The following ITGA11 variants were observed in gnomAD, a reference collection of about 807,000 sequenced individuals.
ITGA11 encodes the protein integrin subunit alpha 11, also known as integrin alpha-11.
A neutral mutation model predicts 141.9 loss-of-function variants in ITGA11; 97 were observed. The ratio of observed to expected loss-of-function variants is 0.68; its 90% CI spans 0.58 to 0.81. The LOEUF is 0.81. Among genes scored for constraint, ITGA11 ranks in the 30% least tolerant of loss-of-function variants. The pLI, the probability that ITGA11 is intolerant of heterozygous loss-of-function variation, is 0.00. For synonymous variants in ITGA11, 658 were observed against 624.6 expected (o/e 1.05, Z -0.80); for missense variants, 1,387 against 1,559.2 (o/e 0.89, Z 1.86).
chr15:68,358,590 A>C lies in ITGA11; in HGVS notation c.473-5T>G, dbSNP rs558111311. On this transcript the variant is annotated splice_polypyrimidine_tract_variant and splice_region_variant and intron_variant, in intron 5 of 29. Coordinates refer to ENST00000315757, the MANE Select transcript of ITGA11 (RefSeq NM_001004439.2). ...TGTCCATGTAGGTCTGGCACCCTGG[A>C]AAGTGGGGACACAGTTATGGCTACC... 10 of 1,609,414 alleles carry C rather than the reference A, an allele frequency of 6.2e-6. No homozygotes were observed. In the East Asian group the frequency reaches 2.2e-4, roughly 36 times the overall value.
At chr15:68,381,295 C>T (rs1306531721) in intron 2 of ITGA11, among the ~76,000 whole-genome samples, 1 of 151,952 alleles carries the variant, frequency 6.6e-6, no homozygotes, top group Admixed American at 6.6e-5. Flanking sequence ...CTTTGGGAAC[C>T]CCTGGATTAT....
intron 2 of ITGA11, among the ~76,000 whole-genome samples, chr15:68,373,864 A>G (rs1366044972): frequency 6.6e-6 from 1 of 152,182 alleles, no homozygotes; most frequent in Non-Finnish European, 1.5e-5. Flanking sequence ...CATGAAGAGA[A>G]GGAGCTGAAG....
chr15:68,364,649 C>A, intron 4 of ITGA11, 58 bp downstream of exon 4: 1 of 981,990 alleles, frequency 1.0e-6, no homozygotes, highest in Admixed American at 1.8e-5. Context: ...GACGCTCCAC[C>A]CCTCCCCACC....
chr15:68,424,492 C>T (rs1013301968), intron 1 of ITGA11, among the ~76,000 whole-genome samples: 2 of 152,132 alleles, frequency 1.3e-5, no homozygotes, highest in Non-Finnish European at 2.9e-5. Flanking sequence ...TGCTGGGCCC[C>T]AATGTGGAGA....
At chr15:68,394,263 G>A (rs1896181887) in intron 2 of ITGA11, among the ~76,000 whole-genome samples, 2 of 152,092 alleles carry the variant, frequency 1.3e-5, no homozygotes, top group African/African-American at 4.8e-5. Context: ...TTATACAGCA[G>A]CTCTCTTGAC....
intron 1 of ITGA11, among the ~76,000 whole-genome samples, chr15:68,426,478 G>A (rs143874686): frequency 6.0e-4 from 92 of 152,200 alleles, no homozygotes; most frequent in African/African-American, 2.1e-3. Context: ...GAGGGGAGAG[G>A]GAGAGACGTT....
chr15:68,402,681 C>T (rs978479577), intron 2 of ITGA11, among the ~76,000 whole-genome samples: 26 of 152,270 alleles, frequency 1.7e-4, no homozygotes, highest in African/African-American at 5.5e-4. Context: ...AAGGAGGGCT[C>T]GTTCATTCCC....
At chr15:68,349,380 A>G (rs1894835683) in intron 9 of ITGA11, among the ~76,000 whole-genome samples, 1 of 152,184 alleles carries the variant, frequency 6.6e-6, no homozygotes, top group African/African-American at 2.4e-5. Flanking sequence ...ACCACTGCAG[A>G]TTTGCGTAAG....
Position 68,332,436 on chromosome 15 carries a change from C to T in ITGA11, c.1468G>A (p.Asp490Asn), listed in dbSNP as rs771813132. 3.7e-6 allele frequency: 6 copies of T among 1,611,878 alleles called. No homozygotes were observed. The highest frequency in any genetic ancestry group is 1.3e-5 in the African/African-American group (1 of 75,016). The change falls in exon 13 of 30, where the codon GAC becomes AAC. Residue 490 changes from aspartate to asparagine, a missense_variant. Coordinates refer to ENST00000315757, the MANE Select transcript of ITGA11 (RefSeq NM_001004439.2). ...AGGACATCAGTCACGCCGTCGCCGT[C>T]GATGTCCACCGAGGTGATTTCACTC... ...FGSEITSVDI[D>N]GDGVTDVLLV...
chr15:68,311,445 G>C (rs748916208), intron 24 of ITGA11, 42 bp from the exon 25 acceptor site: 6 of 1,417,324 alleles, frequency 4.2e-6, no homozygotes, highest in East Asian at 2.5e-5. Flanking sequence ...GTCAGTTGAG[G>C]GGGGTGGAAA....
At chr15:68,316,852 C>T (rs1391203561) in intron 21 of ITGA11, among the ~76,000 whole-genome samples, 1 of 152,224 alleles carries the variant, frequency 6.6e-6, no homozygotes, top group Admixed American at 6.5e-5. Context: ...TTCACATACC[C>T]ACCCTCTATT....
intron 4 of ITGA11, 112 bp downstream of exon 4, chr15:68,364,595 G>T (rs572900724): frequency 1.2e-5 from 10 of 832,584 alleles, no homozygotes; most frequent in East Asian, 2.7e-5. Flanking sequence ...TGGTTGGAGT[G>T]GGGGAGAGTG....
chr15:68,382,580 A>G (rs1381883689), intron 2 of ITGA11, among the ~76,000 whole-genome samples: 2 of 152,154 alleles, frequency 1.3e-5, no homozygotes, highest in South Asian at 2.1e-4. Context: ...CTGTGGGCCT[A>G]TGCCAACCCC....
Position 68,302,829 on chromosome 15 carries a change from C to T in ITGA11, c.*230G>A, listed in dbSNP as rs926649295. 1.3e-5 allele frequency: 7 copies of T among 530,670 alleles called. No homozygotes were observed. The highest frequency in any genetic ancestry group is 1.1e-4 in the South Asian group (4 of 37,568). The allele number at this position is 530,670 out of a possible 1,614,324, so 32.9% of individuals were successfully genotyped here. ...GTGTGTAGGGGTGTCCCTTTAAATC[C>T]CTAGGGGTCTGTGTTAAAGGTGTCC... On this transcript the variant is annotated 3_prime_UTR_variant, in exon 30 of 30. Transcript: ENST00000315757.
Position 68,304,114 on chromosome 15 carries a change from G to A in ITGA11, c.3382-229C>T, listed in dbSNP as rs1893116199. Among the ~76,000 whole-genome samples, 1 of 152,092 alleles carries A rather than the reference G, an allele frequency of 6.6e-6. No homozygotes were observed. Among genetic ancestry groups the A allele is most frequent in the Non-Finnish European group, 1.5e-5 (1 of 67,998 alleles). On this transcript the variant is annotated intron_variant, in intron 28 of 29. Transcript: ENST00000315757. The surrounding 1 kb of genome is among the most constrained non-coding windows in gnomAD (Gnocchi z 6.1). ...GGCCCAAGTGATCCTGCCTCCTTGAGACACTTGCTGCCTTTGGCCTCAGGC... is the reference window on the plus strand; with the variant it reads ...GGCCCAAGTGATCCTGCCTCCTTGAAACACTTGCTGCCTTTGGCCTCAGGC...
At chr15:68,318,251 C>T (rs1893663617) in intron 20 of ITGA11, among the ~76,000 whole-genome samples, 1 of 152,184 alleles carries the variant, frequency 6.6e-6, no homozygotes, top group Non-Finnish European at 1.5e-5. Flanking sequence ...ATGTCTCCCA[C>T]TTCTCTTTAC....
chr15:68,376,860 A>G lies in ITGA11; in HGVS notation c.165-7576T>C, dbSNP rs191490126. ...GGGAGGTACAAATGCAGGTTCCTGAACCCCACCTCCAGAAGGTTCTGACTC... is the reference window on the plus strand; with the variant it reads ...GGGAGGTACAAATGCAGGTTCCTGAGCCCCACCTCCAGAAGGTTCTGACTC... On this transcript the variant is annotated intron_variant, in intron 2 of 29. Coordinates refer to ENST00000315757, the MANE Select transcript of ITGA11 (RefSeq NM_001004439.2). 2.6e-3 allele frequency among the ~76,000 whole-genome samples: 403 copies of G among 152,256 alleles called. 3 individuals carry two copies. The highest frequency in any genetic ancestry group is 9.4e-3 in the African/African-American group (391 of 41,552).
At chr15:68,390,941 C>T (rs191527192) in intron 2 of ITGA11, among the ~76,000 whole-genome samples, 15 of 152,306 alleles carry the variant, frequency 9.8e-5, no homozygotes, top group African/African-American at 2.4e-4. Context: ...TCAATACATC[C>T]CACTGGGGTC....
intron 20 of ITGA11, among the ~76,000 whole-genome samples, chr15:68,318,208 T>C (rs1409760136): frequency 6.6e-6 from 1 of 152,096 alleles, no homozygotes; most frequent in Non-Finnish European, 1.5e-5. Context: ...GCACCCCACC[T>C]GCTATGTGTG....
Sources: gnomAD v4.1 joint callset for allele counts (sites outside exome capture counted in the v4.1 genomes callset) on GRCh38, gnomAD v4.1.1 for gene constraint, Gnocchi (gnomAD v3.1) non-coding constraint, MANE v1.5 for transcripts, NCBI Gene and HGNC (gene_info 2026-07-23, HGNC 2026-07-21) for gene names.